The following RNF157 variants were observed in gnomAD, a reference collection of about 807,000 sequenced individuals.
RNF157 encodes ring finger protein 157.
In RNF157, 55 loss-of-function variants were observed where a neutral mutation model predicts 88.3. The ratio of observed to expected loss-of-function variants is 0.62; its 90% confidence interval spans 0.50 to 0.78. The LOEUF (loss-of-function observed/expected upper bound fraction) is 0.78, where lower values mean the gene tolerates loss of function less well. RNF157 is among the 30% of genes least tolerant of loss of function. The pLI is 0.00. For synonymous variants in RNF157, 334 were observed against 341.2 expected (o/e 0.98, Z 0.23); for missense variants, 788 against 860.8 (o/e 0.92, Z 1.06).
intron 2 of RNF157, among the ~76,000 whole-genome samples, chr17:76,200,978 C>T (rs564971420): frequency 2.6e-5 from 4 of 152,212 alleles, no homozygotes; most frequent in African/African-American, 2.4e-5. Flanking sequence ...CACATCCCAA[C>T]CCCAGCGAGC....
At chr17:76,200,707 A>G (rs1008204534) in intron 2 of RNF157, among the ~76,000 whole-genome samples, 9 of 152,198 alleles carry the variant, frequency 5.9e-5, no homozygotes, top group Non-Finnish European at 1.2e-4. Flanking sequence ...GACATGTATT[A>G]TAAGAATGCC....
rs770934670 is a variant in RNF157 at position 76,167,807 on chromosome 17, C to T, written c.297-10G>A. 8 of 1,610,336 alleles carry T rather than the reference C, an allele frequency of 5.0e-6. No homozygotes were observed. In the East Asian group the frequency reaches 1.6e-4, roughly 31 times the overall value. ...CACTTCCTCAGCACATCTAGAAAAC[C>T]AGAGACTCAGCATTTGCAGAGTAGC... On this transcript the variant is annotated splice_polypyrimidine_tract_variant and intron_variant, in intron 3 of 18. Coordinates refer to ENST00000269391, the MANE Select transcript of RNF157 (RefSeq NM_052916.3).
In RNF157 at chr17:76,195,933, T is replaced by C. The variant is rs1353105893; in HGVS notation, c.207+16431A>G. The stretch of plus-strand genomic sequence containing the variant: ...AGTTTACTATTGCCACGGCAACACC[T>C]GGAAGTTACCACCCTCTTTCATGGC... On this transcript the variant is annotated intron_variant, in intron 2 of 18. Coordinates refer to ENST00000269391, the MANE Select transcript of RNF157 (RefSeq NM_052916.3). The surrounding 1 kb of genome is among the most constrained non-coding windows in gnomAD (Gnocchi z 4.4). Among the ~76,000 whole-genome samples the C allele has an allele frequency of 6.6e-6, 1 of 152,232 alleles. No homozygotes were observed. Among genetic ancestry groups the C allele is most frequent in the Non-Finnish European group, 1.5e-5 (1 of 68,040 alleles).
intron 2 of RNF157, among the ~76,000 whole-genome samples, chr17:76,189,470 C>A (rs1398094294): frequency 6.6e-6 from 1 of 152,176 alleles, no homozygotes; most frequent in Non-Finnish European, 1.5e-5. Flanking sequence ...ACTAAGCCTC[C>A]ATTTCCTTAT....
chr17:76,220,099 G>A (rs982700406), intron 1 of RNF157, among the ~76,000 whole-genome samples: 5 of 151,984 alleles, frequency 3.3e-5, no homozygotes, highest in African/African-American at 1.2e-4. Flanking sequence ...AGGGGGTGCC[G>A]CTAGCATCCA....
intron 3 of RNF157, among the ~76,000 whole-genome samples, chr17:76,172,207 G>A (rs921460585): frequency 6.6e-6 from 1 of 152,126 alleles, no homozygotes; most frequent in Non-Finnish European, 1.5e-5. Context: ...TAGATTAGTG[G>A]TTACTTAGGG....
At chr17:76,182,003 T>C (rs1409424105) in intron 2 of RNF157, among the ~76,000 whole-genome samples, 4 of 152,012 alleles carry the variant, frequency 2.6e-5, no homozygotes, top group Admixed American at 2.6e-4. Context: ...TCCTGAGTAC[T>C]GAACTAGGCC....
rs2068841522 is a variant in RNF157 at position 76,161,370 on chromosome 17, C to T, written c.1065+165G>A. On this transcript the variant is annotated intron_variant, in intron 11 of 18. Transcript: ENST00000269391. The surrounding 1 kb of genome is among the most constrained non-coding windows in gnomAD (Gnocchi z 4.6). ...GAGGTTTTCAGTATTCAATTTTCCA[C>T]AGTAATAAGTTGGTTTTAACGCATG... is the stretch of plus-strand genomic sequence containing the variant. Among the ~76,000 whole-genome samples, 1 of 152,110 alleles carries T rather than the reference C, an allele frequency of 6.6e-6. No individual in the cohort carries two copies. The highest frequency in any genetic ancestry group is 2.4e-5 in the African/African-American group (1 of 41,422).
At chr17:76,186,014 C>T (rs929050186) in intron 2 of RNF157, among the ~76,000 whole-genome samples, 7 of 151,892 alleles carry the variant, frequency 4.6e-5, no homozygotes, top group African/African-American at 1.7e-4. Flanking sequence ...AGTATTTGAA[C>T]GTTCTAATGC....
chr17:76,169,815 A>C (rs2068986931), intron 3 of RNF157, among the ~76,000 whole-genome samples: 1 of 152,036 alleles, frequency 6.6e-6, no homozygotes, highest in African/African-American at 2.4e-5. Context: ...TCCTGACCTC[A>C]AGTGATCCAC....
chr17:76,157,304 C>T lies in RNF157; in HGVS notation c.1414-983G>A, dbSNP rs77188968. ...TTCTTGCCTGGGCTACTGAAACCCT[C>T]TCCTGGCTGGGTCTGTCTCCCGTCT... is the stretch of plus-strand genomic sequence containing the variant. On this transcript the variant is annotated intron_variant, in intron 13 of 18. Transcript: ENST00000269391. The surrounding 1 kb of genome is among the most constrained non-coding windows in gnomAD (Gnocchi z 5.6). 1.8e-3 allele frequency among the ~76,000 whole-genome samples: 274 copies of T among 152,346 alleles called. 1 individual carries two copies. The highest frequency in any genetic ancestry group is 5.5e-3 in the African/African-American group (228 of 41,572).
At chr17:76,221,718 G>T in intron 1 of RNF157, among the ~76,000 whole-genome samples, 1 of 152,140 alleles carries the variant, frequency 6.6e-6, no homozygotes, top group East Asian at 1.9e-4. Flanking sequence ...TGGGTTCACA[G>T]AAGTACTATT....
chr17:76,151,169 G>A (rs1031338889), intron 18 of RNF157, among the ~76,000 whole-genome samples: 5 of 152,242 alleles, frequency 3.3e-5, no homozygotes, highest in African/African-American at 1.2e-4. Flanking sequence ...CTGGGCCTGC[G>A]CAGGAGAAGC....
At chr17:76,206,307 G>A (rs1487414268) in intron 2 of RNF157, among the ~76,000 whole-genome samples, 2 of 152,128 alleles carry the variant, frequency 1.3e-5, no homozygotes, top group Non-Finnish European at 2.9e-5. Context: ...TTAGAGTTGG[G>A]CAGTAATTAT....
In RNF157 at chr17:76,155,718, G is replaced by A; in HGVS notation, c.1542C>T (p.Ser514=). ...ISSPEGPASS[S]LAQSVMSMAS... ...CCATGGACATGACAGACTGGGCCAA[G>A]CTGCTGCTGGCAGGGCCTTTGGAGA... is the stretch of plus-strand genomic sequence containing the variant. Residue 514 remains serine (S), a synonymous_variant, in exon 15 of 19, where the codon AGC becomes AGT. Transcript: ENST00000269391. 1 of 1,582,118 alleles carries A rather than the reference G, an allele frequency of 6.3e-7. No individual in the cohort carries two copies.
intron 6 of RNF157, among the ~76,000 whole-genome samples, chr17:76,166,144 T>G (rs1598397797): frequency 6.6e-6 from 1 of 152,260 alleles, no homozygotes; most frequent in South Asian, 2.1e-4. Context: ...CCAGCTGATT[T>G]TTGTATTTTT....
intron 3 of RNF157, among the ~76,000 whole-genome samples, chr17:76,170,417 C>T (rs970839909): frequency 3.9e-5 from 6 of 152,044 alleles, no homozygotes; most frequent in Non-Finnish European, 8.8e-5. Flanking sequence ...CTTGTAGAGA[C>T]AGGGCTTTAC....
At chr17:76,159,106 GA>G (rs1259474490) in intron 12 of RNF157, among the ~76,000 whole-genome samples, 1 of 151,912 alleles carries the variant, frequency 6.6e-6, no homozygotes, top group Admixed American at 6.5e-5. Context: ...ATCCTTGAAA[GA>G]AAAAAAGAAT....
At chr17:76,202,306 G>A (rs1203458439) in intron 2 of RNF157, among the ~76,000 whole-genome samples, 9 of 152,150 alleles carry the variant, frequency 5.9e-5, no homozygotes, top group East Asian at 3.9e-4. Context: ...AACATAACAC[G>A]TGCACAGCAT....
Sources: gnomAD v4.1 joint callset for allele counts (sites outside exome capture counted in the v4.1 genomes callset) on GRCh38, gnomAD v4.1.1 for gene constraint, Gnocchi (gnomAD v3.1) non-coding constraint, MANE v1.5 for transcripts, NCBI Gene and HGNC (gene_info 2026-07-23, HGNC 2026-07-21) for gene names.